SPAG16: variants seen among roughly 807,000 people sequenced by gnomAD.
SPAG16 encodes sperm associated antigen 16.
Under a neutral mutation model 80.4 loss-of-function variants are expected in SPAG16, and 86 were observed. The observed-to-expected ratio is 1.07, with a 90% CI of 0.90 to 1.28. The LOEUF is 1.28. Ranked by LOEUF, SPAG16 falls within the 50% of genes most tolerant of loss-of-function variation. The probability of loss-of-function intolerance (pLI) is 0.00; values close to 1 mark genes in which losing one functional copy is unlikely to be tolerated. For missense variants in SPAG16, 870 were observed against 765.3 expected (o/e 1.14, Z -1.61); for synonymous variants, 294 against 265.9 (o/e 1.11, Z -1.03).
chr2:213,592,451 T>C (rs1272584330), intron 10 of SPAG16, among the ~76,000 whole-genome samples: 2 of 152,234 alleles, frequency 1.3e-5, no homozygotes, highest in East Asian at 3.8e-4. Context: ...TATAAAAGCT[T>C]TATAGTTAGT....
intron 12 of SPAG16, among the ~76,000 whole-genome samples, chr2:213,975,025 G>A (rs953083028): frequency 6.7e-6 from 1 of 148,940 alleles, no homozygotes; most frequent in Non-Finnish European, 1.5e-5. Context: ...AATTACAATA[G>A]TCTTTTTGCT....
intron 5 of SPAG16, among the ~76,000 whole-genome samples, chr2:213,338,747 C>A (rs1046226870): frequency 1.3e-5 from 2 of 152,134 alleles, no homozygotes; most frequent in African/African-American, 4.8e-5. Context: ...TTATCCTCAG[C>A]AAACTAATGC....
At chr2:213,284,820 G>A (rs1437254681) in intron 1 of SPAG16, 2 of 719,258 alleles carry the variant, frequency 2.8e-6, no homozygotes, top group South Asian at 2.0e-5. Flanking sequence ...GTAGCCCAGG[G>A]TGTCCTGTAC....
intron 10 of SPAG16, among the ~76,000 whole-genome samples, chr2:213,635,183 C>T (rs192115350): frequency 4.6e-5 from 7 of 151,774 alleles, no homozygotes; most frequent in African/African-American, 9.7e-5. Flanking sequence ...TACAGGTGCC[C>T]GCCACCATGC....
intron 1 of SPAG16, among the ~76,000 whole-genome samples, chr2:213,287,921 T>C (rs565112574): frequency 1.4e-4 from 22 of 152,324 alleles, no homozygotes; most frequent in Non-Finnish European, 2.6e-4. Flanking sequence ...TATTATTTTT[T>C]TAGAGATGAG....
At chr2:214,329,654 A>G (rs1236818226) in intron 15 of SPAG16, among the ~76,000 whole-genome samples, 1 of 152,182 alleles carries the variant, frequency 6.6e-6, no homozygotes, top group African/African-American at 2.4e-5. Context: ...AGCTAGTTAG[A>G]AAAAAAGATT....
chr2:213,845,926 TCTC>T (rs2125769490), intron 10 of SPAG16, among the ~76,000 whole-genome samples: 1 of 152,298 alleles, frequency 6.6e-6, no homozygotes, highest in Non-Finnish European at 1.5e-5. Flanking sequence ...GTAGATATCT[TCTC>T]ATGATGAAAG....
At chr2:213,796,757 A>C (rs1427712529) in intron 10 of SPAG16, among the ~76,000 whole-genome samples, 1 of 151,954 alleles carries the variant, frequency 6.6e-6, no homozygotes, top group Non-Finnish European at 1.5e-5. Flanking sequence ...CTTGATAATA[A>C]ATAAAGTTAC....
At chr2:214,180,721 C>T (rs1338552697) in intron 15 of SPAG16, among the ~76,000 whole-genome samples, 2 of 151,618 alleles carry the variant, frequency 1.3e-5, no homozygotes, top group African/African-American at 4.8e-5. Context: ...TAATTAAGTG[C>T]AAATTGTAAA....
intron 15 of SPAG16, among the ~76,000 whole-genome samples, chr2:214,372,733 TTGA>T (rs1272690361): frequency 6.6e-6 from 1 of 152,190 alleles, no homozygotes; most frequent in African/African-American, 2.4e-5. Flanking sequence ...TCATGACTTC[TTGA>T]TAAAAGGATT....
chr2:213,417,906 T>C (rs1251467403), intron 9 of SPAG16, among the ~76,000 whole-genome samples: 1 of 151,724 alleles, frequency 6.6e-6, no homozygotes, highest in African/African-American at 2.4e-5. Context: ...AGTTTTGCTC[T>C]TGTTGCCCAG....
intron 12 of SPAG16, among the ~76,000 whole-genome samples, chr2:213,985,178 ATAAAT>A (rs1289191067): frequency 6.6e-6 from 1 of 152,108 alleles, no homozygotes; most frequent in East Asian, 1.9e-4. Context: ...AAAAGAATGA[ATAAAT>A]TAAGAAGTGG....
chr2:214,362,682 T>C (rs1559243758), intron 15 of SPAG16, among the ~76,000 whole-genome samples: 1 of 151,826 alleles, frequency 6.6e-6, no homozygotes, highest in Non-Finnish European at 1.5e-5. Context: ...AAAAATACCT[T>C]ATATCAGTTC....
chr2:213,611,518 T>C (rs2061438561), intron 10 of SPAG16, among the ~76,000 whole-genome samples: 1 of 152,176 alleles, frequency 6.6e-6, no homozygotes. Flanking sequence ...TCCATTTTTA[T>C]GGGTTTGTTT....
intron 13 of SPAG16, among the ~76,000 whole-genome samples, chr2:214,078,533 CA>C (rs35101370): frequency 0.13 from 15,694 of 116,966 alleles, 938 homozygotes; most frequent in Non-Finnish European, 0.18. Flanking sequence ...GAGCCTGTCT[CA>C]AAAAAAAAAA....
At chr2:213,389,747 G>C (rs1258605094) in intron 9 of SPAG16, among the ~76,000 whole-genome samples, 1 of 152,058 alleles carries the variant, frequency 6.6e-6, no homozygotes, top group Non-Finnish European at 1.5e-5. Context: ...AGCTGGTGAG[G>C]ACATAAGTTA....
chr2:213,373,011 TA>T (rs1381924373), intron 8 of SPAG16, among the ~76,000 whole-genome samples: 1 of 152,192 alleles, frequency 6.6e-6, no homozygotes, highest in African/African-American at 2.4e-5. Context: ...TGTGTTTGTT[TA>T]TTTGCTGTTT....
intron 10 of SPAG16, among the ~76,000 whole-genome samples, chr2:213,718,696 C>T (rs370771957): frequency 2.0e-5 from 3 of 152,172 alleles, no homozygotes; most frequent in Admixed American, 6.5e-5. Flanking sequence ...GCGCTGTGCT[C>T]GATTTCTCGT....
intron 12 of SPAG16, among the ~76,000 whole-genome samples, chr2:213,940,793 T>C (rs1436790101): frequency 6.6e-6 from 1 of 152,200 alleles, no homozygotes; most frequent in Non-Finnish European, 1.5e-5. Flanking sequence ...AATAACATTT[T>C]AGTTAACAAA....
Sources: allele counts gnomAD v4.1 joint callset (sites outside exome capture counted in the v4.1 genomes callset), GRCh38; gene constraint gnomAD v4.1.1; transcripts MANE v1.5; gene names NCBI Gene and HGNC (gene_info 2026-07-23, HGNC 2026-07-21).